PYGB: variants seen among roughly 807,000 people sequenced by gnomAD.
PYGB encodes glycogen phosphorylase, brain form.
A neutral mutation model predicts 94.3 loss-of-function variants in PYGB; 82 were observed. The observed-to-expected ratio is 0.87, with a 90% CI of 0.73 to 1.04. PYGB has a LOEUF of 1.04. Among genes scored for constraint, PYGB ranks in the 50% least tolerant of loss-of-function variants. The pLI, the probability that PYGB is intolerant of heterozygous loss-of-function variation, is 0.00. For synonymous variants in PYGB, 488 were observed against 479.1 expected (o/e 1.02, Z -0.24); for missense variants, 1,132 against 1,158.2 (o/e 0.98, Z 0.33).
chr20:25,259,156 T>C (rs1295483636), intron 1 of PYGB, 81 bp from the exon 2 acceptor site: 22 of 1,255,638 alleles, frequency 1.8e-5, no homozygotes, highest in Non-Finnish European at 2.4e-5. Context: ...GGGGCTTGGC[T>C]TCATGGGTCG....
intron 1 of PYGB, among the ~76,000 whole-genome samples, chr20:25,249,164 C>T (rs954075720): frequency 2.0e-5 from 3 of 152,226 alleles, no homozygotes; most frequent in Admixed American, 6.5e-5. Flanking sequence ...TACTATGGGC[C>T]TGTGTTCTTG....
chr20:25,265,502 T>C (rs911408461), intron 2 of PYGB, among the ~76,000 whole-genome samples: 7 of 152,242 alleles, frequency 4.6e-5, no homozygotes, highest in Non-Finnish European at 8.8e-5. Context: ...TTTCACGTGC[T>C]TGTGGGCCAT....
At position 25,259,348 on chromosome 20, in the gene PYGB, C is replaced by T. The variant is rs1363226894; in HGVS notation, c.345+10C>T. 1.3e-6 allele frequency: 2 copies of T among 1,586,082 alleles called. No homozygotes were observed. Among genetic ancestry groups the T allele is most frequent in the East Asian group, 2.2e-5 (1 of 44,734 alleles). On this transcript the variant is annotated intron_variant, in intron 2 of 19. Coordinates refer to ENST00000216962, the MANE Select transcript of PYGB (RefSeq NM_002862.4). ...TGAAGCCATCTATCAGGTACAGAGC[C>T]TCATGGCCGGGCTTCTGGGTGGCCC...
chr20:25,288,829 G>A (rs988458567), intron 15 of PYGB, among the ~76,000 whole-genome samples: 2 of 152,326 alleles, frequency 1.3e-5, no homozygotes, highest in Middle Eastern at 3.4e-3. Context: ...CCTGAGCATT[G>A]CCTGGTTTCA....
chr20:25,259,824 T>C (rs2092909773), intron 2 of PYGB, among the ~76,000 whole-genome samples: 1 of 152,252 alleles, frequency 6.6e-6, no homozygotes, highest in Non-Finnish European at 1.5e-5. Context: ...ACTTGTTCAC[T>C]TTGAACTTAA....
At chr20:25,255,874 C>T (rs531889586) in intron 1 of PYGB, among the ~76,000 whole-genome samples, 1 of 152,164 alleles carries the variant, frequency 6.6e-6, no homozygotes, top group East Asian at 1.9e-4. Flanking sequence ...GGTGGGATTA[C>T]AGGTGTGCAC....
At chr20:25,281,250 C>T in intron 11 of PYGB, 138 bp downstream of exon 11, 2 of 1,189,126 alleles carry the variant, frequency 1.7e-6, no homozygotes, top group South Asian at 1.5e-5. Context: ...ATAGGAATGA[C>T]AGAGCTGCCC....
At chr20:25,269,980 C>G (rs1254314048) in intron 3 of PYGB, among the ~76,000 whole-genome samples, 2 of 152,130 alleles carry the variant, frequency 1.3e-5, no homozygotes, top group African/African-American at 4.8e-5. Context: ...GGTCCTGTAC[C>G]CACAGACCCA....
At position 25,290,359 on chromosome 20, in the gene PYGB, G is replaced by T. The variant is rs547975786; in HGVS notation, c.1828-122G>T. 55 of 1,313,514 alleles carry T rather than the reference G, an allele frequency of 4.2e-5. No homozygotes were observed. In the African/African-American group the frequency reaches 7.6e-4, roughly 18 times the overall value. The allele number at this position is 1,313,514 out of a possible 1,614,324, so 81.4% of individuals were successfully genotyped here. On this transcript the variant is annotated intron_variant, in intron 15 of 19. Transcript: ENST00000216962. ...AGCCTCCCTAGCTCCTCTACTGACC[G>T]TCCCGACGGCAGGTTCCTGTGGCTC...
chr20:25,287,943 C>T (rs759232916), intron 14 of PYGB, among the ~76,000 whole-genome samples: 24 of 151,306 alleles, frequency 1.6e-4, no homozygotes, highest in Middle Eastern at 3.4e-3. Flanking sequence ...CTTACACCAC[C>T]GCACTCCAGC....
At position 25,265,681 on chromosome 20, in the gene PYGB, A is replaced by G. The variant is rs12625447; in HGVS notation, c.346-3448A>G. On this transcript the variant is annotated intron_variant, in intron 2 of 19. Transcript: ENST00000216962. ...GTGATCTCGGCTCACTGCAGGCTTC[A>G]CCTCCCGGGTTCACACCATTCTCTT... is the stretch of plus-strand genomic sequence containing the variant. Among the ~76,000 whole-genome samples, 92 of 141,182 alleles carry G rather than the reference A, an allele frequency of 6.5e-4. No homozygotes were observed. The East Asian group carries it at 0.012, about 18-fold the overall frequency. 92.6% of individuals were successfully genotyped at this position (141,182 alleles called of 152,430 possible). A position where few individuals can be genotyped will look rare whatever the true frequency, so the allele number is the denominator to read the frequency against.
At chr20:25,290,118 C>T (rs921499249) in intron 15 of PYGB, among the ~76,000 whole-genome samples, 7 of 152,224 alleles carry the variant, frequency 4.6e-5, no homozygotes, top group African/African-American at 1.2e-4. Flanking sequence ...TGGCTCTTTC[C>T]GAATGTGTCC....
intron 1 of PYGB, among the ~76,000 whole-genome samples, chr20:25,256,572 A>G (rs1320610715): frequency 6.6e-6 from 1 of 152,228 alleles, no homozygotes; most frequent in African/African-American, 2.4e-5. Flanking sequence ...TCATATTGCA[A>G]GAAGGGACCA....
intron 2 of PYGB, among the ~76,000 whole-genome samples, chr20:25,260,836 G>A (rs111402715): frequency 0.022 from 3,299 of 152,294 alleles, 112 homozygotes; most frequent in African/African-American, 0.075. Flanking sequence ...ATTATATCCC[G>A]CACCAGGCTC....
At chr20:25,278,953 GTGGGC>G in intron 8 of PYGB, 99 bp from the exon 9 acceptor site, 1 of 1,102,438 alleles carries the variant, frequency 9.1e-7, no homozygotes, top group Middle Eastern at 2.1e-4. Flanking sequence ...CGGGGGTGGG[GTGGGC>G]TGGGCTGGCT....
At chr20:25,261,616 C>T (rs1568684846) in intron 2 of PYGB, among the ~76,000 whole-genome samples, 1 of 152,228 alleles carries the variant, frequency 6.6e-6, no homozygotes, top group Admixed American at 6.5e-5. Context: ...AGCAATAGAA[C>T]AAAGCTGGAC....
At chr20:25,274,455 G>A (rs1034086871) in intron 4 of PYGB, 137 bp from the exon 5 acceptor site, 17 of 1,253,122 alleles carry the variant, frequency 1.4e-5, no homozygotes, top group South Asian at 8.2e-5. Context: ...TGGGAATCCC[G>A]ACCTGGTAAG....
In PYGB at chr20:25,294,247, C is replaced by T; in HGVS notation, c.2267C>T (p.Pro756Leu). The change falls in exon 18 of 20, where the codon CCA becomes CTA. Residue 756 changes from proline to leucine, a missense_variant. Transcript: ENST00000216962. ...AGTGGCTTTTTTTCTCCCAAGGAGC[C>T]AGACTGCTTCAAGGACATCGTGAAC... ...ISSGFFSPKE[P>L]DCFKDIVNML... The T allele has an allele frequency of 1.9e-6, 3 of 1,602,642 alleles. No individual in the cohort carries two copies. The highest frequency in any genetic ancestry group is 2.6e-6 in the Non-Finnish European group (3 of 1,173,116).
At chr20:25,271,660 A>G (rs2088269809) in intron 4 of PYGB, among the ~76,000 whole-genome samples, 174 bp downstream of exon 4, 1 of 152,200 alleles carries the variant, frequency 6.6e-6, no homozygotes, top group African/African-American at 2.4e-5. Context: ...CTTGGTCCAC[A>G]TGGCCTGGGA....
Sources: allele counts gnomAD v4.1 joint callset (sites outside exome capture counted in the v4.1 genomes callset), GRCh38; gene constraint gnomAD v4.1.1; transcripts MANE v1.5; gene names NCBI Gene and HGNC (gene_info 2026-07-23, HGNC 2026-07-21).